The following COG4 variants were observed in gnomAD, a reference collection of about 807,000 sequenced individuals.
COG4 encodes the protein conserved oligomeric Golgi complex subunit 4.
Under a neutral mutation model 95.1 loss-of-function variants are expected in COG4, and 65 were observed. The observed-to-expected ratio is 0.68, with a 90% CI of 0.56 to 0.84. The LOEUF (loss-of-function observed/expected upper bound fraction) is 0.84, where lower values mean the gene tolerates loss of function less well. Ranked by LOEUF, COG4 falls within the 40% of genes least tolerant of loss-of-function variation. The pLI is 0.00. For synonymous variants in COG4, 421 were observed against 374.8 expected (o/e 1.12, Z -1.42); for missense variants, 1,045 against 989.1 (o/e 1.06, Z -0.76).
intron 12 of COG4, among the ~76,000 whole-genome samples, chr16:70,490,686 G>GT (rs1328521227): frequency 1.3e-5 from 2 of 151,714 alleles, no homozygotes; most frequent in African/African-American, 4.8e-5. Flanking sequence ...TTTTTTGTTT[G>GT]TTTTTTTGTT....
At chr16:70,509,768 T>C in intron 6 of COG4, 148 bp downstream of exon 6, 1 of 708,094 alleles carries the variant, frequency 1.4e-6, no homozygotes, top group Non-Finnish European at 2.5e-6. Context: ...GCACTGAATC[T>C]GGAAGTTATT....
chr16:70,514,391 T>G lies in COG4; in HGVS notation c.488A>C (p.His163Pro). Reference protein sequence around the residue: ...EDYEQAAAHTHRYLCLDKSVI... With the variant: ...EDYEQAAAHTPRYLCLDKSVI... ...CGACTTGTCCAGGCACAAGTAGCGA[T>G]GAGTATGTGCTGCAGCCTGCTCATA... The change falls in exon 4 of 19, where the codon CAT becomes CCT. Residue 163 changes from histidine (H) to proline (P), a missense_variant. Physicochemically the swap from His to Pro is moderately conservative, Grantham distance 77. Coordinates refer to ENST00000323786, the MANE Select transcript of COG4 (RefSeq NM_015386.3). 1 of 1,614,104 alleles carries G rather than the reference T, an allele frequency of 6.2e-7. No homozygotes were observed. The highest frequency in any genetic ancestry group is 1.1e-5 in the South Asian group (1 of 91,080).
In COG4 at chr16:70,481,749, A is replaced by T. The variant is rs2048998829; in HGVS notation, c.2106+15T>A. On this transcript the variant is annotated intron_variant, in intron 17 of 18. Coordinates refer to ENST00000323786, the MANE Select transcript of COG4 (RefSeq NM_015386.3). The stretch of plus-strand genomic sequence containing the variant: ...GAGAAACGAGAGCCGCAGACCCATG[A>T]CCCCTTTACCTTACCCGGTTAAAGG... The T allele has an allele frequency of 6.2e-7, 1 of 1,603,850 alleles. No individual in the cohort carries two copies. Among genetic ancestry groups the T allele is most frequent in the Non-Finnish European group, 8.5e-7 (1 of 1,171,184 alleles).
chr16:70,519,062 C>G (rs1597693528), intron 2 of COG4, among the ~76,000 whole-genome samples: 1 of 151,606 alleles, frequency 6.6e-6, no homozygotes, highest in South Asian at 2.1e-4. Flanking sequence ...CTTCCTGGAC[C>G]CCACCCCTAG....
intron 4 of COG4, 53 bp from the exon 5 acceptor site, chr16:70,512,485 G>T: frequency 6.8e-7 from 1 of 1,464,456 alleles, no homozygotes; most frequent in Non-Finnish European, 9.5e-7. Flanking sequence ...ACTGTGGCAG[G>T]TCCATGCCAC....
At chr16:70,512,119 G>T in intron 5 of COG4, 120 bp downstream of exon 5, 2 of 924,142 alleles carry the variant, frequency 2.2e-6, no homozygotes, top group Non-Finnish European at 3.5e-6. Flanking sequence ...CACAGCAAGG[G>T]CAGGAAGGGG....
At position 70,509,897 on chromosome 16, in the gene COG4, A is replaced by G. The variant is rs1034191728; in HGVS notation, c.844+19T>C. The G allele has an allele frequency of 6.3e-7, 1 of 1,588,524 alleles. No homozygotes were observed. Among genetic ancestry groups the G allele is most frequent in the Non-Finnish European group, 8.6e-7 (1 of 1,156,668 alleles). ...CATATACAGTCTCCAGTCTCTCTAG[A>G]GCGGAGAAAGAGGCTCACCTTCAAA... On this transcript the variant is annotated intron_variant, in intron 6 of 18. Transcript: ENST00000323786.
intron 17 of COG4, 52 bp downstream of exon 17, chr16:70,481,712 T>G (rs1429571952): frequency 1.3e-6 from 2 of 1,513,664 alleles, no homozygotes; most frequent in Non-Finnish European, 9.2e-7. Flanking sequence ...GCATGACATG[T>G]CTTCCTCAGA....
At chr16:70,513,528 G>A (rs1004253664) in intron 4 of COG4, among the ~76,000 whole-genome samples, 10 of 152,010 alleles carry the variant, frequency 6.6e-5, no homozygotes, top group South Asian at 2.1e-4. Context: ...ACATACCTAC[G>A]ATAAAGTTTA....
intron 8 of COG4, among the ~76,000 whole-genome samples, chr16:70,502,412 C>G (rs543701869): frequency 1.3e-5 from 2 of 150,514 alleles, no homozygotes; most frequent in South Asian, 4.2e-4. Context: ...CTAACCTAAC[C>G]AAAACATGGA....
At chr16:70,493,199 T>C (rs1487158732) in intron 12 of COG4, among the ~76,000 whole-genome samples, 3 of 152,196 alleles carry the variant, frequency 2.0e-5, no homozygotes, top group Non-Finnish European at 4.4e-5. Flanking sequence ...ATTTTCTTAA[T>C]GGTCCTTAGG....
chr16:70,489,529 TA>T (rs58900941), intron 13 of COG4, among the ~76,000 whole-genome samples: 16,922 of 142,330 alleles, frequency 0.12, 3,280 homozygotes, highest in African/African-American at 0.41. Flanking sequence ...GATCCTGATT[TA>T]AAAAAAAAAA....
At chr16:70,487,847 C>T (rs1393103775) in intron 13 of COG4, among the ~76,000 whole-genome samples, 5 of 151,772 alleles carry the variant, frequency 3.3e-5, no homozygotes, top group Admixed American at 1.3e-4. Flanking sequence ...TTTTTTGAGA[C>T]GGAGTCTTAC....
At chr16:70,482,953 CCT>C in intron 14 of COG4, 132 bp from the exon 15 acceptor site, 4 of 680,552 alleles carry the variant, frequency 5.9e-6, no homozygotes, top group South Asian at 1.5e-5. Context: ...TTCCTTCTCT[CCT>C]CTCCCCATTT....
intron 5 of COG4, among the ~76,000 whole-genome samples, chr16:70,511,854 C>A (rs1016055734): frequency 1.3e-5 from 2 of 151,984 alleles, no homozygotes; most frequent in Non-Finnish European, 2.9e-5. Flanking sequence ...ATAGCTTGAA[C>A]CAGGGAGGTG....
intron 3 of COG4, chr16:70,515,860 G>T (rs1205649224): frequency 2.8e-6 from 1 of 356,844 alleles, no homozygotes; most frequent in Admixed American, 4.0e-5. Flanking sequence ...TGTAGGACAG[G>T]GTCTTACTGT....
intron 1 of COG4, 72 bp downstream of exon 1, chr16:70,523,301 C>T: frequency 1.3e-6 from 2 of 1,578,484 alleles, no homozygotes; most frequent in Non-Finnish European, 1.7e-6. Flanking sequence ...TTTCCCACAG[C>T]CCGGATTTCC....
At chr16:70,509,157 C>T in intron 7 of COG4, 74 bp downstream of exon 7, 1 of 1,581,062 alleles carries the variant, frequency 6.3e-7, no homozygotes, top group Non-Finnish European at 8.7e-7. Context: ...CTTTTTCAAA[C>T]CCTACAATTT....
rs59805765 is a variant in COG4, at chr16:70,502,280, CAAAAAAAAAAAAAA to C, written c.1062-1203_1062-1190del. Among the ~76,000 whole-genome samples, 21 of 19,114 alleles carry C rather than the reference CAAAAAAAAAAAAAA, an allele frequency of 1.1e-3. No individual in the cohort carries two copies. In the South Asian group the frequency reaches 0.064, roughly 59 times the overall value. 12.5% of individuals were successfully genotyped at this position (19,114 alleles called of 152,430 possible). A position where few individuals can be genotyped will look rare whatever the true frequency, so the allele number is the denominator to read the frequency against. On this transcript the variant is annotated intron_variant, in intron 8 of 18. Transcript: ENST00000323786. The stretch of plus-strand genomic sequence containing the variant: ...CTGGAGACACAGCAAGACTCCGTCT[CAAAAAAAAAAAAAA>C]AAAAAAAAAAAAAAAAGAGGCCGGG...
Sources: allele counts gnomAD v4.1 joint callset (sites outside exome capture counted in the v4.1 genomes callset), GRCh38; gene constraint gnomAD v4.1.1; transcripts MANE v1.5; gene names NCBI Gene and HGNC (gene_info 2026-07-23, HGNC 2026-07-21).